RARB: variants seen among roughly 807,000 people sequenced by gnomAD.
RARB encodes the protein retinoic acid receptor beta, also known as HBV-activated protein.
A neutral mutation model predicts 51.9 loss-of-function variants in RARB; 17 were observed. The ratio of observed to expected loss-of-function variants is 0.33; its 90% CI spans 0.22 to 0.49. The LOEUF is 0.49. Among genes scored for constraint, RARB ranks in the 20% least tolerant of loss-of-function variants. The pLI is 0.99. For synonymous variants in RARB, 215 were observed against 195.4 expected, an observed-to-expected ratio of 1.10 and a Z score of -0.84; for missense variants, 369 against 550.8, an observed-to-expected ratio of 0.67 and a Z score of 3.30.
chr3:25,554,514 A>G (rs1379788284), intron 3 of RARB, among the ~76,000 whole-genome samples: 1 of 152,014 alleles, frequency 6.6e-6, no homozygotes, highest in African/African-American at 2.4e-5. Context: ...TGTGACAAAA[A>G]CTGGGAAGGC....
At chr3:25,092,669 G>A (rs546500919) in intron 3 of RARB, among the ~76,000 whole-genome samples, 6 of 152,130 alleles carry the variant, frequency 3.9e-5, no homozygotes, top group Admixed American at 2.6e-4. Flanking sequence ...TTTTAATTGT[G>A]CAGAAATTTT....
intron 2 of RARB, among the ~76,000 whole-genome samples, chr3:24,908,673 T>G (rs997692832): frequency 1.2e-4 from 18 of 146,364 alleles, no homozygotes; most frequent in Middle Eastern, 3.4e-3. Context: ...GTTTTTTTTT[T>G]TTTTTTTTTT....
chr3:25,365,975 C>G (rs1037136526), intron 5 of RARB, among the ~76,000 whole-genome samples: 6 of 152,182 alleles, frequency 3.9e-5, no homozygotes, highest in Non-Finnish European at 2.9e-5. Context: ...GGAAGTCTGT[C>G]AATAGTGTAA....
At chr3:25,356,324 A>G (rs1705732906) in intron 5 of RARB, among the ~76,000 whole-genome samples, 3 of 152,152 alleles carry the variant, frequency 2.0e-5, no homozygotes, top group African/African-American at 4.8e-5. Context: ...GAGGGAAAAA[A>G]AGGTTTAAAC....
At chr3:25,558,029 A>G (rs764442394) in intron 3 of RARB, among the ~76,000 whole-genome samples, 3 of 152,320 alleles carry the variant, frequency 2.0e-5, no homozygotes, top group Non-Finnish European at 4.4e-5. Context: ...ATCTCATTCC[A>G]TATTGACCCT....
At chr3:25,159,420 C>CG (rs376450113) in intron 4 of RARB, among the ~76,000 whole-genome samples, 81 of 150,398 alleles carry the variant, frequency 5.4e-4, no homozygotes, top group Admixed American at 5.3e-4. Flanking sequence ...CCACCCCCCC[C>CG]GCTCCCCCTC....
intron 5 of RARB, among the ~76,000 whole-genome samples, chr3:25,367,535 G>T (rs1057391385): frequency 2.6e-5 from 4 of 151,930 alleles, no homozygotes; most frequent in Admixed American, 2.0e-4. Context: ...TGGCTGTTCA[G>T]CCAGGCATGG....
chr3:25,024,828 C>T (rs550454569), intron 2 of RARB, among the ~76,000 whole-genome samples: 1 of 151,832 alleles, frequency 6.6e-6, no homozygotes, highest in South Asian at 2.1e-4. Flanking sequence ...TGACACACGG[C>T]AGTAGTCCCA....
chr3:25,116,694 T>G (rs962939128), intron 3 of RARB, among the ~76,000 whole-genome samples: 2 of 152,044 alleles, frequency 1.3e-5, no homozygotes, highest in Non-Finnish European at 2.9e-5. Flanking sequence ...ATGGTATCTT[T>G]GAATTACCTG....
intron 3 of RARB, among the ~76,000 whole-genome samples, chr3:25,527,346 G>A (rs778852332): frequency 6.6e-5 from 10 of 152,228 alleles, no homozygotes; most frequent in Non-Finnish European, 1.5e-4. Flanking sequence ...CTTTGTCTGT[G>A]ACTCGATTTC....
intron 3 of RARB, among the ~76,000 whole-genome samples, chr3:25,096,983 T>A (rs916495152): frequency 3.3e-5 from 5 of 152,196 alleles, no homozygotes; most frequent in Non-Finnish European, 5.9e-5. Context: ...AAACCTTTTT[T>A]TCTGATAGCC....
At chr3:24,995,252 A>G (rs1427637360) in intron 2 of RARB, among the ~76,000 whole-genome samples, 1 of 150,798 alleles carries the variant, frequency 6.6e-6, no homozygotes, top group Admixed American at 6.6e-5. Flanking sequence ...TAGCTTTTGT[A>G]AATGGGATTG....
Position 24,997,329 on chromosome 3 carries a change from A to G in RARB, c.-379-62796A>G, listed in dbSNP as rs948129661. On this transcript the variant is annotated intron_variant, in intron 2 of 11. Transcript: ENST00000383772. ...ATGGAATATTTTTCTCCATTCCTTC[A>G]CTTTCAGCACATGTGTGTCTTTACA... is the stretch of plus-strand genomic sequence containing the variant. 6.0e-5 allele frequency among the ~76,000 whole-genome samples: 9 copies of G among 150,368 alleles called. No homozygotes were observed. The South Asian group carries it at 1.3e-3, about 21-fold the overall frequency.
intron 5 of RARB, among the ~76,000 whole-genome samples, chr3:25,278,754 C>T (rs1703453052): frequency 6.6e-6 from 1 of 152,132 alleles, no homozygotes; most frequent in African/African-American, 2.4e-5. Context: ...GAGAATTTGG[C>T]CTTGTGAGCA....
intron 3 of RARB, among the ~76,000 whole-genome samples, chr3:25,101,474 A>G (rs1699398953): frequency 6.6e-6 from 1 of 152,030 alleles, no homozygotes; most frequent in South Asian, 2.1e-4. Flanking sequence ...TTATATACAT[A>G]TTTTGTTATA....
At chr3:25,451,875 A>T (rs13319140) in intron 1 of RARB, among the ~76,000 whole-genome samples, 11,172 of 152,270 alleles carry the variant, frequency 0.073, 579 homozygotes, top group Admixed American at 0.13. Flanking sequence ...AGGAAATTCG[A>T]TCAGATAAAA....
At chr3:24,843,221 T>C (rs2125331318) in intron 1 of RARB, among the ~76,000 whole-genome samples, 1 of 152,340 alleles carries the variant, frequency 6.6e-6, no homozygotes, top group African/African-American at 2.4e-5. Context: ...CAAGGGGCTA[T>C]GTGACGGCAG....
chr3:25,569,811 A>G lies in RARB; in HGVS notation c.502A>G (p.Thr168Ala), dbSNP rs772852342. 2.5e-6 allele frequency: 4 copies of G among 1,614,246 alleles called. No individual in the cohort carries two copies. The highest frequency in any genetic ancestry group is 3.3e-5 in the Admixed American group (2 of 60,032). ...GAAGGAGACTTCGAAGCAAGAATGC[A>G]CAGAGAGCTATGAAATGACAGCTGA... ...KKKETSKQEC[T>A]ESYEMTAELD... The change falls in exon 4 of 8, where the codon ACA (threonine) becomes GCA (alanine). Residue 168 changes from threonine (T) to alanine (A), a missense_variant. Coordinates refer to ENST00000330688, the MANE Select transcript of RARB (RefSeq NM_000965.5).
Position 24,956,096 on chromosome 3 carries a change from G to T in RARB, c.-380+97344G>T, listed in dbSNP as rs546601003. Among the ~76,000 whole-genome samples, 142 of 152,230 alleles carry T rather than the reference G, an allele frequency of 9.3e-4. 1 individual carries two copies. The highest frequency in any genetic ancestry group is 3.3e-3 in the African/African-American group (137 of 41,534). On this transcript the variant is annotated intron_variant, in intron 2 of 11. Transcript: ENST00000383772. ...GGTTGGACAGCGGGGTTAGAAAGAT[G>T]AGAGAGAAACCTTGGTTCTGAGGCT...
Sources: allele counts gnomAD v4.1 joint callset (sites outside exome capture counted in the v4.1 genomes callset), GRCh38; gene constraint gnomAD v4.1.1; transcripts MANE v1.5; gene names NCBI Gene and HGNC (gene_info 2026-07-23, HGNC 2026-07-21).